C21orf58: variants seen among roughly 807,000 people sequenced by gnomAD.
C21orf58 encodes uncharacterized protein C21orf58.
A neutral mutation model predicts 35.8 loss-of-function variants in C21orf58; 34 were observed. The observed-to-expected ratio is 0.95, with a 90% CI of 0.72 to 1.26. The LOEUF (loss-of-function observed/expected upper bound fraction) is 1.26. Among genes scored for constraint, C21orf58 ranks in the 50% most tolerant of loss-of-function variants. The pLI is 0.00. For synonymous variants in C21orf58, 191 were observed against 175.8 expected (o/e 1.09, Z -0.68); for missense variants, 440 against 414.3 (o/e 1.06, Z -0.54).
chr21:46,306,832 C>T (rs1010950873), intron 6 of C21orf58, among the ~76,000 whole-genome samples: 26 of 152,000 alleles, frequency 1.7e-4, no homozygotes, highest in African/African-American at 6.3e-4. Context: ...AAGCAATCCT[C>T]CCACCTCGGC....
At chr21:46,307,788 C>G (rs930554407) in intron 6 of C21orf58, among the ~76,000 whole-genome samples, 1 of 152,290 alleles carries the variant, frequency 6.6e-6, no homozygotes, top group Middle Eastern at 3.4e-3. Flanking sequence ...ATTCTACACA[C>G]GTCTGCCCCT....
At chr21:46,322,321 C>G (rs1056198109) in intron 1 of C21orf58, 3 of 389,694 alleles carry the variant, frequency 7.7e-6, no homozygotes, top group Non-Finnish European at 1.1e-5. Flanking sequence ...GAAATAAGAC[C>G]CAAGTCCAAC....
rs769845183 is a variant in C21orf58 at position 46,315,521 on chromosome 21, G to A, written c.397C>T (p.Leu133=). 3.7e-6 allele frequency: 6 copies of A among 1,612,228 alleles called. No individual in the cohort carries two copies. The South Asian group carries it at 6.6e-5, about 18-fold the overall frequency. Residue 133 remains leucine, a synonymous_variant, in exon 4 of 8, where the codon CTG becomes TTG. Coordinates refer to ENST00000291691, the MANE Select transcript of C21orf58 (RefSeq NM_058180.5). The part of the protein sequence containing the change: ...PGNEDRPDDA[L]QTALKRRRDL... ...CTCCTTCTCTTCAGAGCAGTCTGCA[G>A]GGCATCGTCCGGCCGGTCCTCATTT...
intron 5 of C21orf58, 140 bp downstream of exon 5, chr21:46,314,576 C>T (rs1013591770): frequency 2.6e-5 from 17 of 655,016 alleles, no homozygotes; most frequent in East Asian, 5.8e-5. Flanking sequence ...GGCAGCTGGC[C>T]CCCTTCAAGG....
chr21:46,306,513 T>G (rs1687543539), intron 6 of C21orf58, among the ~76,000 whole-genome samples: 1 of 152,146 alleles, frequency 6.6e-6, no homozygotes, highest in Non-Finnish European at 1.5e-5. Context: ...AAAAAAATCT[T>G]TTATGAATTC....
In C21orf58 at chr21:46,302,556, G is replaced by A; in HGVS notation, c.742C>T (p.Leu248=). The A allele has an allele frequency of 6.2e-7, 1 of 1,612,256 alleles. No individual in the cohort carries two copies. Among genetic ancestry groups the A allele is most frequent in the Non-Finnish European group, 8.5e-7 (1 of 1,179,194 alleles). ...IKEDMVELLL[L]QNAQVHQLVL... is the part of the protein sequence containing the mutation. Reference sequence around the variant, plus strand: ...AACTGGTGCACCTGTGCGTTCTGCAGCAGCAGCAGCTCCACCATGTCTGCA... The same window carrying A: ...AACTGGTGCACCTGTGCGTTCTGCAACAGCAGCAGCTCCACCATGTCTGCA... The change falls in exon 7 of 8, where the codon CTG becomes TTG. Residue 248 remains leucine (L), a synonymous_variant. Transcript: ENST00000291691.
At chr21:46,322,615 G>A (rs1601716514) in intron 1 of C21orf58, 24 bp downstream of exon 1, 1 of 1,492,108 alleles carries the variant, frequency 6.7e-7, no homozygotes, top group Non-Finnish European at 9.0e-7. Context: ...TGGGAACCAG[G>A]AGACCGCTGG....
intron 1 of C21orf58, 152 bp downstream of exon 1, chr21:46,322,487 T>C (rs1274049451): frequency 7.9e-7 from 1 of 1,273,368 alleles, no homozygotes; most frequent in Non-Finnish European, 9.9e-7. Flanking sequence ...GGGTCTCTGT[T>C]CCTGGAAAGT....
chr21:46,302,040 G>A lies in C21orf58; in HGVS notation c.928C>T (p.Leu310Phe). 1 of 1,538,982 alleles carries A rather than the reference G, an allele frequency of 6.5e-7. No homozygotes were observed. Among genetic ancestry groups the A allele is most frequent in the Non-Finnish European group, 8.8e-7 (1 of 1,141,912 alleles). Residue 310 changes from leucine to phenylalanine, a missense_variant, in exon 8 of 8, where the codon CTC becomes TTC. Transcript: ENST00000291691. ...GTCCACAGGCTGGGGGCGGGCTGGA[G>A]GACAGTGGCAGCCCCAGGTGGCCAC... ...AVWPPGAATVLQPAPSLWTPG... is the reference protein window; with the variant it reads ...AVWPPGAATVFQPAPSLWTPG...
intron 1 of C21orf58, chr21:46,318,452 AG>A: frequency 7.1e-7 from 1 of 1,412,708 alleles, no homozygotes; most frequent in Admixed American, 2.9e-5. Flanking sequence ...GCTGAGGCAG[AG>A]GGGCAGAACC....
At chr21:46,307,649 C>T (rs2082482195) in intron 6 of C21orf58, among the ~76,000 whole-genome samples, 1 of 152,142 alleles carries the variant, frequency 6.6e-6, no homozygotes, top group African/African-American at 2.4e-5. Flanking sequence ...GTTACATGGC[C>T]GTCCTGGGCC....
chr21:46,322,014 C>A (rs1417138983), intron 1 of C21orf58, among the ~76,000 whole-genome samples: 1 of 146,630 alleles, frequency 6.8e-6, no homozygotes, highest in Non-Finnish European at 1.5e-5. Flanking sequence ...TGAGGCTGGG[C>A]GAGGTTGCTC....
At chr21:46,320,244 A>G (rs2083110257) in intron 1 of C21orf58, among the ~76,000 whole-genome samples, 1 of 151,992 alleles carries the variant, frequency 6.6e-6, no homozygotes, top group Non-Finnish European at 1.5e-5. Context: ...CTGGGAGTAC[A>G]GGTGCACGCC....
chr21:46,306,179 A>G (rs1320538494), intron 6 of C21orf58, among the ~76,000 whole-genome samples: 2 of 152,258 alleles, frequency 1.3e-5, no homozygotes, highest in East Asian at 1.9e-4. Context: ...ATGACTGTCA[A>G]TCTAGATTTG....
In C21orf58 at chr21:46,322,722, AGCCGAGATCG is replaced by A; in HGVS notation, c.7_16del (p.Arg3SerfsTer88). On this transcript the variant is annotated frameshift_variant, in exon 1 of 8. Transcript: ENST00000291691. LOFTEE classifies it high-confidence loss of function. ...CGGCTTCCTGAGGGAGGTTGCAGGG[AGCCGAGATCG>A]CGCCATTGCGCTATAGCCTGGGCGT... 1 of 1,547,330 alleles carries A rather than the reference AGCCGAGATCG, an allele frequency of 6.5e-7. No individual in the cohort carries two copies. Among genetic ancestry groups the A allele is most frequent in the Non-Finnish European group, 8.7e-7 (1 of 1,145,546 alleles).
At chr21:46,314,168 T>C (rs2082867825) in intron 5 of C21orf58, among the ~76,000 whole-genome samples, 2 of 151,742 alleles carry the variant, frequency 1.3e-5, no homozygotes, top group Admixed American at 1.3e-4. Flanking sequence ...ATCTCCTCTT[T>C]CTGGGCTCAA....
Position 46,315,000 on chromosome 21 carries a change from T to C in C21orf58, c.445-120A>G, listed in dbSNP as rs1333037626. Reference sequence around the variant, plus strand: ...GGTACAGGCGCCTCTCCGGGCAGGATGGCCATGACTGGAAGACCCTTCCAG... The same window carrying C: ...GGTACAGGCGCCTCTCCGGGCAGGACGGCCATGACTGGAAGACCCTTCCAG... On this transcript the variant is annotated intron_variant, in intron 4 of 7. Transcript: ENST00000291691. 4 of 1,549,562 alleles carry C rather than the reference T, an allele frequency of 2.6e-6. No homozygotes were observed. The East Asian group carries it at 7.3e-5, about 28-fold the overall frequency.
intron 6 of C21orf58, 28 bp downstream of exon 6, chr21:46,311,428 C>CA: frequency 7.2e-7 from 1 of 1,382,256 alleles, no homozygotes; most frequent in Non-Finnish European, 1.0e-6. Flanking sequence ...TTCCTCAACC[C>CA]ACAACAATAT....
downstream of C21orf58, chr21:46,301,003 G>T: frequency 3.4e-6 from 3 of 893,044 alleles, no homozygotes; most frequent in Non-Finnish European, 1.4e-6. Flanking sequence ...CCACTGCCCA[G>T]CACTCACCTT....
Sources: gnomAD v4.1 joint callset for allele counts (sites outside exome capture counted in the v4.1 genomes callset) on GRCh38, gnomAD v4.1.1 for gene constraint, MANE v1.5 for transcripts, NCBI Gene and HGNC (gene_info 2026-07-23, HGNC 2026-07-21) for gene names.